VTI1A: variants seen among roughly 807,000 people sequenced by gnomAD.
The protein encoded by VTI1A is vesicle transport through interaction with t-SNAREs 1A, also known as vesicle transport through interaction with t-SNAREs homolog 1A.
In VTI1A, 22 loss-of-function variants were observed where a neutral mutation model predicts 34.9. The ratio of observed to expected loss-of-function variants is 0.63; its 90% CI spans 0.45 to 0.90. The LOEUF is 0.90. Ranked by LOEUF, VTI1A falls within the 40% of genes least tolerant of loss-of-function variation. The pLI is 0.00. For missense variants in VTI1A, 268 were observed against 275.6 expected, an observed-to-expected ratio of 0.97 and a Z score of 0.20; for synonymous variants, 87 against 97.3, an observed-to-expected ratio of 0.89 and a Z score of 0.62.
chr10:112,475,085 A>C (rs77261323), intron 3 of VTI1A, among the ~76,000 whole-genome samples: 2,559 of 152,286 alleles, frequency 0.017, 61 homozygotes, highest in African/African-American at 0.058. Context: ...TGTACACTTG[A>C]TTAGAATAAT....
At chr10:112,519,590 C>T (rs1314220302) in intron 3 of VTI1A, among the ~76,000 whole-genome samples, 2 of 151,992 alleles carry the variant, frequency 1.3e-5, no homozygotes. Flanking sequence ...ATCGTTCATC[C>T]AACCATGGCT....
chr10:112,797,164 C>G (rs758627486), intron 7 of VTI1A, among the ~76,000 whole-genome samples: 1 of 152,122 alleles, frequency 6.6e-6, no homozygotes, highest in Non-Finnish European at 1.5e-5. Context: ...CTAAATCTTT[C>G]CTGACAGAAA....
chr10:112,758,873 A>G (rs1284370366), intron 7 of VTI1A, among the ~76,000 whole-genome samples: 1 of 152,214 alleles, frequency 6.6e-6, no homozygotes, highest in East Asian at 1.9e-4. Context: ...GCAGGTAGGC[A>G]TCTTCCTTTC....
intron 5 of VTI1A, among the ~76,000 whole-genome samples, chr10:112,620,301 G>A (rs1488746394): frequency 1.3e-5 from 2 of 152,164 alleles, no homozygotes; most frequent in African/African-American, 2.4e-5. Context: ...GTGGATCTAT[G>A]AAGAGGAAAG....
intron 4 of VTI1A, among the ~76,000 whole-genome samples, chr10:112,537,708 A>G (rs745380250): frequency 5.3e-5 from 8 of 152,148 alleles, no homozygotes; most frequent in Non-Finnish European, 8.8e-5. Context: ...TCTGAAAAGT[A>G]GAAGTGCTGT....
At chr10:112,646,410 T>C (rs1371069987) in intron 5 of VTI1A, among the ~76,000 whole-genome samples, 2 of 152,142 alleles carry the variant, frequency 1.3e-5, no homozygotes, top group African/African-American at 2.4e-5. Context: ...ATCCACATCA[T>C]TATGGGGCAG....
At chr10:112,538,568 C>CT in intron 5 of VTI1A, 1 of 409,580 alleles carries the variant, frequency 2.4e-6, no homozygotes, top group Non-Finnish European at 4.4e-6. Flanking sequence ...AGATGGAATA[C>CT]TTTGTCTAAA....
At chr10:112,777,288 C>T (rs1851979505) in intron 7 of VTI1A, among the ~76,000 whole-genome samples, 1 of 152,176 alleles carries the variant, frequency 6.6e-6, no homozygotes, top group African/African-American at 2.4e-5. Flanking sequence ...GCCTTCCAGG[C>T]TTGCCTTGTC....
intron 7 of VTI1A, among the ~76,000 whole-genome samples, chr10:112,759,269 T>A (rs919968534): frequency 5.3e-5 from 8 of 152,200 alleles, no homozygotes; most frequent in African/African-American, 1.9e-4. Context: ...ATTCCTGGTT[T>A]GATCAAGATA....
chr10:112,547,150 T>C (rs953702364), intron 5 of VTI1A, among the ~76,000 whole-genome samples: 3 of 151,970 alleles, frequency 2.0e-5, no homozygotes, highest in African/African-American at 7.3e-5. Context: ...CATAATGGCA[T>C]GTGCCTGTAG....
chr10:112,507,105 G>A (rs533360718), intron 3 of VTI1A, among the ~76,000 whole-genome samples: 1 of 152,202 alleles, frequency 6.6e-6, no homozygotes, highest in Non-Finnish European at 1.5e-5. Context: ...GTCCAGAATG[G>A]AAGGGTTAAG....
At chr10:112,602,153 A>C (rs1051300663) in intron 5 of VTI1A, among the ~76,000 whole-genome samples, 1 of 152,256 alleles carries the variant, frequency 6.6e-6, no homozygotes, top group Non-Finnish European at 1.5e-5. Context: ...AAATGTCAAA[A>C]GTGAAAATTA....
intron 7 of VTI1A, among the ~76,000 whole-genome samples, chr10:112,702,069 A>G (rs1397047482): frequency 6.6e-6 from 1 of 152,200 alleles, no homozygotes; most frequent in Non-Finnish European, 1.5e-5. Context: ...AACTGAAAGA[A>G]GCAGGAAGCA....
At chr10:112,654,702 C>T (rs1564868937) in intron 5 of VTI1A, among the ~76,000 whole-genome samples, 2 of 152,066 alleles carry the variant, frequency 1.3e-5, no homozygotes, top group African/African-American at 2.4e-5. Flanking sequence ...ACCGTGGGCT[C>T]GATCTCCTGA....
At chr10:112,733,699 A>G (rs1045786505) in intron 7 of VTI1A, among the ~76,000 whole-genome samples, 2 of 149,822 alleles carry the variant, frequency 1.3e-5, no homozygotes, top group African/African-American at 5.1e-5. Context: ...CCACACTTGC[A>G]ATACTGCTAG....
At chr10:112,821,375 T>C (rs561679581), downstream of VTI1A, among the ~76,000 whole-genome samples, 111 of 152,184 alleles carry the variant, frequency 7.3e-4, no homozygotes, top group African/African-American at 2.3e-3. Flanking sequence ...GAGGGGACAA[T>C]ACCTGGGGGA....
Position 112,702,544 on chromosome 10 carries a change from C to G in VTI1A, c.560+33546C>G, listed in dbSNP as rs543128294. ...AAGTGATTCTTGTGCCTCAGCCTCC[C>G]GAGTAGCTGGGATTACAGGCGTGTG... On this transcript the variant is annotated intron_variant, in intron 7 of 7. Coordinates refer to ENST00000393077, the MANE Select transcript of VTI1A (RefSeq NM_145206.4). 2.6e-5 allele frequency among the ~76,000 whole-genome samples: 4 copies of G among 151,670 alleles called. No individual in the cohort carries two copies. In the South Asian group the frequency reaches 8.3e-4, roughly 32 times the overall value.
chr10:112,608,286 A>T (rs570659822), intron 5 of VTI1A, among the ~76,000 whole-genome samples: 1 of 152,352 alleles, frequency 6.6e-6, no homozygotes, highest in South Asian at 2.1e-4. Context: ...GCATACATAC[A>T]TATGCATATA....
intron 7 of VTI1A, among the ~76,000 whole-genome samples, chr10:112,742,673 C>T (rs546502070): frequency 1.3e-5 from 2 of 152,236 alleles, no homozygotes; most frequent in South Asian, 4.1e-4. Context: ...GTTGGTATTT[C>T]TTTAAAAATA....
Sources: allele counts gnomAD v4.1 joint callset (sites outside exome capture counted in the v4.1 genomes callset), GRCh38; gene constraint gnomAD v4.1.1; transcripts MANE v1.5; gene names NCBI Gene and HGNC (gene_info 2026-07-23, HGNC 2026-07-21).